The following PARP14 variants were observed in gnomAD, a reference collection of about 807,000 sequenced individuals.
PARP14 encodes protein mono-ADP-ribosyltransferase PARP14.
In PARP14, 59 loss-of-function variants were observed where a neutral mutation model predicts 154.2. That is an observed-to-expected ratio of 0.38 (90% CI 0.31 to 0.48). The LOEUF (loss-of-function observed/expected upper bound fraction) is 0.48. Ranked by LOEUF, PARP14 falls within the 20% of genes least tolerant of loss-of-function variation. The pLI is 0.98. For synonymous variants in PARP14, 720 were observed against 780.5 expected, an observed-to-expected ratio of 0.92 and a Z score of 1.29; for missense variants, 1,734 against 2,131.6, an observed-to-expected ratio of 0.81 and a Z score of 3.67.
chr3:122,714,159 T>C, intron 11 of PARP14, 103 bp from the exon 12 acceptor site: 1 of 1,024,932 alleles, frequency 9.8e-7, no homozygotes. Flanking sequence ...GAGTTTTTTT[T>C]TTTTCACAAA....
intron 5 of PARP14, among the ~76,000 whole-genome samples, chr3:122,696,907 C>T (rs1938795791): frequency 6.6e-6 from 1 of 152,100 alleles, no homozygotes; most frequent in South Asian, 2.1e-4. Context: ...CTGTGATTTA[C>T]TGACTTTCTT....
At chr3:122,698,169 G>A (rs73856258) in intron 5 of PARP14, among the ~76,000 whole-genome samples, 8,924 of 152,284 alleles carry the variant, frequency 0.059, 328 homozygotes, top group African/African-American at 0.097. Context: ...CCACAGGGAA[G>A]TTGAAGCTAT....
intron 12 of PARP14, among the ~76,000 whole-genome samples, chr3:122,715,595 C>CATCTATCTATCTATCT (rs56863397): frequency 7.2e-4 from 103 of 142,582 alleles, no homozygotes; most frequent in Middle Eastern, 3.5e-3. Context: ...CTCTACCAGT[C>CATCTATCTATCTATCT]ATCTATCTAT....
intron 9 of PARP14, among the ~76,000 whole-genome samples, chr3:122,712,343 A>T (rs1939350430): frequency 6.6e-6 from 1 of 151,470 alleles, no homozygotes; most frequent in African/African-American, 2.4e-5. Context: ...TCCCGGGTTC[A>T]AGTGATTTCC....
intron 8 of PARP14, among the ~76,000 whole-genome samples, chr3:122,707,258 C>G (rs1170312437): frequency 6.6e-6 from 1 of 151,858 alleles, no homozygotes; most frequent in African/African-American, 2.4e-5. Flanking sequence ...ACTAAAAATA[C>G]AAAAATTACC....
intron 15 of PARP14, among the ~76,000 whole-genome samples, chr3:122,724,059 C>T (rs1933223540): frequency 6.6e-6 from 1 of 152,066 alleles, no homozygotes; most frequent in Admixed American, 6.6e-5. Flanking sequence ...TTTAATGACC[C>T]CATTAATCTT....
chr3:122,713,791 C>T (rs1221347612), intron 10 of PARP14, 81 bp from the exon 11 acceptor site: 1 of 1,035,900 alleles, frequency 9.7e-7, no homozygotes, highest in East Asian at 2.4e-5. Context: ...ATGGAGAATG[C>T]ATTCAGATAA....
At chr3:122,712,642 T>A (rs1347539580) in intron 9 of PARP14, among the ~76,000 whole-genome samples, 1 of 151,872 alleles carries the variant, frequency 6.6e-6, no homozygotes, top group Non-Finnish European at 1.5e-5. Context: ...AGCCTCAACC[T>A]CTGGGGGCTC....
At chr3:122,702,101 C>T (rs747171233) in intron 6 of PARP14, among the ~76,000 whole-genome samples, 1 of 152,166 alleles carries the variant, frequency 6.6e-6, no homozygotes, top group Non-Finnish European at 1.5e-5. Context: ...CGCCCAACAC[C>T]AGTGAGGAAG....
chr3:122,690,580 C>T (rs538493035), intron 3 of PARP14, among the ~76,000 whole-genome samples: 6 of 152,230 alleles, frequency 3.9e-5, no homozygotes, highest in African/African-American at 1.4e-4. Context: ...GGTACAATCT[C>T]GGCTCACTGC....
Position 122,703,952 on chromosome 3 carries a change from A to C in PARP14, c.3292A>C (p.Arg1098=), listed in dbSNP as rs571205676. The change falls in exon 7 of 17, where the codon AGA becomes CGA. Residue 1098 remains arginine, a synonymous_variant. Coordinates refer to ENST00000474629, the MANE Select transcript of PARP14 (RefSeq NM_017554.3). ...YVLHVVAPEW[R]NGSTSSLKIM... is the part of the protein sequence containing the mutation. ...GCTTCACGTGGTAGCTCCGGAGTGG[A>C]GAAATGGTAGCACATCTTCACTCAA... The C allele has an allele frequency of 6.2e-7, 1 of 1,613,676 alleles. No individual in the cohort carries two copies. Among genetic ancestry groups the C allele is most frequent in the East Asian group, 2.2e-5 (1 of 44,886 alleles).
At chr3:122,704,114 A>C in intron 7 of PARP14, 136 bp downstream of exon 7, 1 of 649,870 alleles carries the variant, frequency 1.5e-6, no homozygotes, top group South Asian at 2.0e-5. Flanking sequence ...AGATTCCATC[A>C]TGTGGCCATT....
intron 3 of PARP14, 73 bp downstream of exon 3, chr3:122,687,186 A>G (rs953683184): frequency 1.9e-6 from 2 of 1,040,440 alleles, no homozygotes; most frequent in Non-Finnish European, 2.9e-6. Context: ...CACTTGAGGG[A>G]GTCAGCCCTC....
At chr3:122,704,434 A>C (rs1227650316) in intron 7 of PARP14, 93 bp from the exon 8 acceptor site, 5 of 725,312 alleles carry the variant, frequency 6.9e-6, no homozygotes, top group Non-Finnish European at 1.2e-5. Flanking sequence ...AAAAAGGAGT[A>C]TTCAAGTTCA....
Position 122,701,005 on chromosome 3 carries a change from TGTG to T in PARP14, c.2458_2460del (p.Val820del), listed in dbSNP as rs1296180940. ...GTGACTTGGCACGGCTTCCTGTCGATGTGGTGGTGAATGCATCTAATGAGGACC... is the reference window on the plus strand; with the variant it reads ...GTGACTTGGCACGGCTTCCTGTCGATGTGGTGAATGCATCTAATGAGGACC... On this transcript the variant is annotated inframe_deletion, in exon 6 of 17. Transcript: ENST00000474629. This position sits in a 1 kb window ranked among gnomAD's most constrained non-coding sequence, Gnocchi z 4.0. The T allele has an allele frequency of 3.1e-6, 5 of 1,613,928 alleles. No homozygotes were observed. Among genetic ancestry groups the T allele is most frequent in the Non-Finnish European group, 4.2e-6 (5 of 1,179,886 alleles).
chr3:122,718,421 A>G lies in PARP14; in HGVS notation c.4270A>G (p.Thr1424Ala). The G allele has an allele frequency of 6.2e-7, 1 of 1,613,588 alleles. No homozygotes were observed. The change falls in exon 14 of 17, where the codon ACA (threonine) becomes GCA (alanine). Residue 1424 changes from threonine (T) to alanine (A), a missense_variant. By Grantham distance (58) the Thr-to-Ala change is moderately conservative. Coordinates refer to ENST00000474629, the MANE Select transcript of PARP14 (RefSeq NM_017554.3). ...KKNHLVLEKK[T>A]ESATFRVCGE... The stretch of plus-strand genomic sequence containing the variant: ...GAATCATTTGGTTTTGGAAAAGAAA[A>G]CAGAATCAGCAACTTTTCGGGTGTG...
chr3:122,720,812 T>C (rs1405041105), intron 15 of PARP14: 1 of 456,922 alleles, frequency 2.2e-6, no homozygotes, highest in Non-Finnish European at 4.4e-6. Flanking sequence ...TCGTTTATCA[T>C]AATTATTTTG....
chr3:122,687,183 G>C (rs146617310), intron 3 of PARP14, 70 bp downstream of exon 3: 1 of 1,086,508 alleles, frequency 9.2e-7, no homozygotes, highest in East Asian at 2.5e-5. Flanking sequence ...CAGCACTTGA[G>C]GGAGTCAGCC....
At chr3:122,720,230 G>C (rs1181686372) in intron 14 of PARP14, 25 bp from the exon 15 acceptor site, 1 of 1,607,334 alleles carries the variant, frequency 6.2e-7, no homozygotes, top group East Asian at 2.2e-5. Flanking sequence ...ATGTATGAGG[G>C]CATCCTCAAA....
Sources: gnomAD v4.1 joint callset for allele counts (sites outside exome capture counted in the v4.1 genomes callset) on GRCh38, gnomAD v4.1.1 for gene constraint, Gnocchi (gnomAD v3.1) non-coding constraint, MANE v1.5 for transcripts, NCBI Gene and HGNC (gene_info 2026-07-23, HGNC 2026-07-21) for gene names.